ZNF716: variants seen among roughly 807,000 people sequenced by gnomAD.
ZNF716 encodes zinc finger protein 716.
ZNF716 carries 9 observed loss-of-function variants against 13.4 expected under a neutral mutation model. That is an observed-to-expected ratio of 0.67 (90% confidence interval 0.41 to 1.18). ZNF716 has a LOEUF of 1.18. Ranked by LOEUF, ZNF716 falls within the 50% of genes most tolerant of loss-of-function variation. The pLI, the probability that ZNF716 is intolerant of heterozygous loss-of-function variation, is 0.01. For missense variants in ZNF716, 581 were observed against 576.6 expected, an observed-to-expected ratio of 1.01 and a Z score of -0.08; for synonymous variants, 186 against 195.2, an observed-to-expected ratio of 0.95 and a Z score of 0.39.
At position 57,463,178 on chromosome 7, in the gene ZNF716, A is replaced by G. The variant is rs1554323458; in HGVS notation, c.262+10A>G. On this transcript the variant is annotated intron_variant, in intron 3 of 3. Transcript: ENST00000420713. ...GTAGCCAAACACCCAGGTAGGTGAG[A>G]GCGAATGAAGCAGATGACACAGATG... The G allele has an allele frequency of 2.5e-6, 4 of 1,605,802 alleles. No individual in the cohort carries two copies. Among genetic ancestry groups the G allele is most frequent in the Non-Finnish European group, 3.4e-6 (4 of 1,179,786 alleles).
chr7:57,457,314 T>C (rs1295311365), intron 1 of ZNF716, among the ~76,000 whole-genome samples: 1 of 152,114 alleles, frequency 6.6e-6, no homozygotes, highest in Admixed American at 6.6e-5. Flanking sequence ...AAACCAGTCT[T>C]ACCACTTACC....
chr7:57,468,998 T>C lies in ZNF716; in HGVS notation c.537T>C (p.His179=), dbSNP rs782070409. ...FSNSNRHKTR[H]TGKKHFKCKN... Reference sequence around the variant, plus strand: ...ATTCCAATAGACACAAGACAAGACATACTGGAAAGAAACATTTCAAATGTA... The same window carrying C: ...ATTCCAATAGACACAAGACAAGACACACTGGAAAGAAACATTTCAAATGTA... The change falls in exon 4 of 4, where the codon CAT becomes CAC. Residue 179 remains histidine (H), a synonymous_variant. Transcript: ENST00000420713. 13 of 1,607,856 alleles carry C rather than the reference T, an allele frequency of 8.1e-6. 1 individual carries two copies. In the South Asian group the frequency reaches 8.8e-5, roughly 11 times the overall value.
At position 57,470,119 on chromosome 7, in the gene ZNF716, A is replaced by G. The variant is rs1236150635; in HGVS notation, c.*170A>G. 1 of 703,544 alleles carries G rather than the reference A, an allele frequency of 1.4e-6. No homozygotes were observed. Among genetic ancestry groups the G allele is most frequent in the Non-Finnish European group, 2.2e-6 (1 of 461,486 alleles). The allele number at this position is 703,544 out of a possible 1,614,324, so 43.6% of individuals were successfully genotyped here. A position where few individuals can be genotyped will look rare whatever the true frequency, so the allele number is the denominator to read the frequency against. On this transcript the variant is annotated 3_prime_UTR_variant, in exon 4 of 4. Transcript: ENST00000420713. Reference sequence around the variant, plus strand: ...TCTTATAAATGTAAAAAAAAAAGTAACAGCCTTTAACCACCCCTCAAACCT... The same window carrying G: ...TCTTATAAATGTAAAAAAAAAAGTAGCAGCCTTTAACCACCCCTCAAACCT...
At position 57,465,794 on chromosome 7, in the gene ZNF716, C is replaced by A. The variant is rs184473464; in HGVS notation, c.262+2626C>A. 3.2e-3 allele frequency among the ~76,000 whole-genome samples: 488 copies of A among 152,246 alleles called. 3 individuals carry two copies. The highest frequency in any genetic ancestry group is 0.011 in the African/African-American group (461 of 41,554). ...ACTTGGAACTAACCCAAATGTCCAA[C>A]AATGGTAGACTGGATTAAGAAAATG... On this transcript the variant is annotated intron_variant, in intron 3 of 3. Coordinates refer to ENST00000420713, the MANE Select transcript of ZNF716 (RefSeq NM_001159279.1).
At position 57,472,453 on chromosome 7, in the gene ZNF716, C is replaced by CT. The variant is rs35888317; in HGVS notation, c.*2510dup. 58,354 of 151,826 alleles carry CT rather than the reference C, an allele frequency of 0.38. 11,419 individuals carry two copies. Among genetic ancestry groups the CT allele is most frequent in the East Asian group, 0.51 (2,646 of 5,142 alleles). 9.4% of individuals were successfully genotyped at this position (151,826 alleles called of 1,614,324 possible). A position where few individuals can be genotyped will look rare whatever the true frequency, so the allele number is the denominator to read the frequency against. On this transcript the variant is annotated 3_prime_UTR_variant, in exon 4 of 4. Coordinates refer to ENST00000420713, the MANE Select transcript of ZNF716 (RefSeq NM_001159279.1). The stretch of plus-strand genomic sequence containing the variant: ...AGGGGAATGACATCACTAGTAGTCT[C>CT]TTTTTTGCCAGTGTTTTTGTTTGTT...
In ZNF716 at chr7:57,468,951, A is replaced by G. The variant is rs782216180; in HGVS notation, c.490A>G (p.Lys164Glu). The G allele has an allele frequency of 1.2e-6, 2 of 1,610,126 alleles. No homozygotes were observed. The highest frequency in any genetic ancestry group is 1.7e-6 in the Non-Finnish European group (2 of 1,177,786). The stretch of plus-strand genomic sequence containing the variant: ...AACATTTCAGACTCATAAATGCGTC[A>G]AAGTCTTTGGTAAATTTTCAAATTC... ...NKTFQTHKCV[K>E]VFGKFSNSNR... is the part of the protein sequence containing the mutation. Residue 164 changes from lysine (K) to glutamate (E), a missense_variant, in exon 4 of 4, where the codon AAA becomes GAA. Transcript: ENST00000420713.
At chr7:57,467,158 CATT>C (rs1455686180) in intron 3 of ZNF716, among the ~76,000 whole-genome samples, 1 of 151,998 alleles carries the variant, frequency 6.6e-6, no homozygotes, top group Non-Finnish European at 1.5e-5. Flanking sequence ...AATTTATTCT[CATT>C]ATATCTATCC....
chr7:57,470,092 A>T lies in ZNF716; in HGVS notation c.*143A>T. ...CATAAGATAATTCATATTGGACAAA[A>T]GTCTTATAAATGTAAAAAAAAAAGT... On this transcript the variant is annotated 3_prime_UTR_variant, in exon 4 of 4. Coordinates refer to ENST00000420713, the MANE Select transcript of ZNF716 (RefSeq NM_001159279.1). 1 of 805,878 alleles carries T rather than the reference A, an allele frequency of 1.2e-6. No homozygotes were observed. Among genetic ancestry groups the T allele is most frequent in the Non-Finnish European group, 1.8e-6 (1 of 542,400 alleles). The allele number at this position is 805,878 out of a possible 1,614,324, so 49.9% of individuals were successfully genotyped here.
chr7:57,460,514 AT>A (rs1482677478), intron 1 of ZNF716, among the ~76,000 whole-genome samples: 3 of 150,676 alleles, frequency 2.0e-5, no homozygotes, highest in African/African-American at 7.3e-5. Flanking sequence ...TGTTTCAATT[AT>A]TTTTTATTTT....
intron 3 of ZNF716, among the ~76,000 whole-genome samples, chr7:57,467,761 T>C (rs1789840952): frequency 1.3e-5 from 2 of 152,124 alleles, no homozygotes; most frequent in Non-Finnish European, 2.9e-5. Context: ...TTCTTTTACC[T>C]ACACGTTTGT....
Position 57,469,321 on chromosome 7 carries a change from A to G in ZNF716, c.860A>G (p.Lys287Arg). 1 of 1,608,524 alleles carries G rather than the reference A, an allele frequency of 6.2e-7. No homozygotes were observed. The highest frequency in any genetic ancestry group is 8.5e-7 in the Non-Finnish European group (1 of 1,176,162). ...AGCCGCTCAACACTTACTAACTACA[A>G]GAGAATTCATACTGGAGAGAAACCC... ...VFSRSTLTNY[K>R]RIHTGEKPYT... The change falls in exon 4 of 4, where the codon AAG becomes AGG. Residue 287 changes from lysine to arginine, a missense_variant. Coordinates refer to ENST00000420713, the MANE Select transcript of ZNF716 (RefSeq NM_001159279.1).
chr7:57,458,956 G>A (rs1489632812), intron 1 of ZNF716, among the ~76,000 whole-genome samples: 3 of 152,100 alleles, frequency 2.0e-5, no homozygotes, highest in Non-Finnish European at 2.9e-5. Flanking sequence ...TGCCTTGGCT[G>A]TAACCCAGAG....
chr7:57,455,391 A>C (rs529905989), intron 1 of ZNF716, among the ~76,000 whole-genome samples: 3 of 152,264 alleles, frequency 2.0e-5, no homozygotes, highest in Non-Finnish European at 4.4e-5. Flanking sequence ...ATAAGAAAGA[A>C]GTGGAAATTT....
rs1789905572 is a variant in ZNF716, at chr7:57,470,260, G to A, written c.*311G>A. The A allele has an allele frequency of 5.2e-6, 1 of 193,192 alleles. No individual in the cohort carries two copies. 12.0% of individuals were successfully genotyped at this position (193,192 alleles called of 1,614,324 possible). On this transcript the variant is annotated 3_prime_UTR_variant, in exon 4 of 4. Coordinates refer to ENST00000420713, the MANE Select transcript of ZNF716 (RefSeq NM_001159279.1). The stretch of plus-strand genomic sequence containing the variant: ...GCTCACTGCAACCTCTGCCTCCTGG[G>A]TTCAAGCGATTCTCCTGCCTCAGCC...
In ZNF716 at chr7:57,469,051, T is replaced by A; in HGVS notation, c.590T>A (p.Leu197His). 1 of 1,607,336 alleles carries A rather than the reference T, an allele frequency of 6.2e-7. No homozygotes were observed. Among genetic ancestry groups the A allele is most frequent in the Non-Finnish European group, 8.5e-7 (1 of 1,176,254 alleles). The change falls in exon 4 of 4, where the codon CTT (leucine) becomes CAT (histidine). Residue 197 changes from leucine (L) to histidine (H), a missense_variant. Leu to His is a moderately conservative substitution (Grantham distance 99). Coordinates refer to ENST00000420713, the MANE Select transcript of ZNF716 (RefSeq NM_001159279.1). Reference sequence around the variant, plus strand: ...AACGATGGCAAATCATTTTGCATGCTTTCACGCCTAAATCAACATCAGATA... The same window carrying A: ...AACGATGGCAAATCATTTTGCATGCATTCACGCCTAAATCAACATCAGATA... ...CKNDGKSFCM[L>H]SRLNQHQIIH...
Position 57,468,768 on chromosome 7 carries a change from A to G in ZNF716, c.307A>G (p.Ile103Val), listed in dbSNP as rs1554324512. ...CCAAGACCTTCAGTCAGAGCAGGGC[A>G]TAAAAGATTCACTCCAAAAAGTGAT... ...FTQDLQSEQG[I>V]KDSLQKVILR... The change falls in exon 4 of 4, where the codon ATA (isoleucine) becomes GTA (valine). Residue 103 changes from isoleucine to valine, a missense_variant. By Grantham distance (29) the Ile-to-Val change is conservative (BLOSUM62 3). Coordinates refer to ENST00000420713, the MANE Select transcript of ZNF716 (RefSeq NM_001159279.1). 7 of 1,613,338 alleles carry G rather than the reference A, an allele frequency of 4.3e-6. No homozygotes were observed. Among genetic ancestry groups the G allele is most frequent in the South Asian group, 2.2e-5 (2 of 90,966 alleles).
chr7:57,458,444 T>C (rs1789643684), intron 1 of ZNF716, among the ~76,000 whole-genome samples: 1 of 151,958 alleles, frequency 6.6e-6, no homozygotes, highest in Non-Finnish European at 1.5e-5. Flanking sequence ...TTTTCTGACA[T>C]GGAGTTTCAC....
Position 57,462,471 on chromosome 7 carries a change from A to T in ZNF716, c.51A>T (p.Thr17=), listed in dbSNP as rs1562677123. 3.1e-6 allele frequency: 5 copies of T among 1,613,886 alleles called. No individual in the cohort carries two copies. The highest frequency in any genetic ancestry group is 4.2e-6 in the Non-Finnish European group (5 of 1,179,950). Reference sequence around the variant, plus strand: ...TTTTTTGTTTTTAGGGACTGTTGACATTCAGAGACATAGCTATAGAATTTT... The same window carrying T: ...TTTTTTGTTTTTAGGGACTGTTGACTTTCAGAGACATAGCTATAGAATTTT... ...PPGSREMGLL[T]FRDIAIEFSL... The change falls in exon 2 of 4, where the codon ACA becomes ACT. Residue 17 remains threonine, a synonymous_variant. Coordinates refer to ENST00000420713, the MANE Select transcript of ZNF716 (RefSeq NM_001159279.1).
chr7:57,458,262 A>T (rs183765380), intron 1 of ZNF716, among the ~76,000 whole-genome samples: 159 of 152,224 alleles, frequency 1.0e-3, no homozygotes, highest in Admixed American at 1.8e-3. Flanking sequence ...ACAAATTTAT[A>T]CTCTCACCAG....
Sources: allele counts gnomAD v4.1 joint callset (sites outside exome capture counted in the v4.1 genomes callset), GRCh38; gene constraint gnomAD v4.1.1; transcripts MANE v1.5; gene names NCBI Gene and HGNC (gene_info 2026-07-23, HGNC 2026-07-21).